CACNA2D3: variants seen among roughly 807,000 people sequenced by gnomAD.
The protein encoded by CACNA2D3 is calcium voltage-gated channel auxiliary subunit alpha2delta 3.
In CACNA2D3, 60 loss-of-function variants were observed where a neutral mutation model predicts 160.6. That is an observed-to-expected ratio of 0.37 (90% CI 0.30 to 0.46). CACNA2D3 has a LOEUF of 0.46. Among genes scored for constraint, CACNA2D3 ranks in the 20% least tolerant of loss-of-function variants. The pLI, the probability that CACNA2D3 is intolerant of heterozygous loss-of-function variation, is 1.00. For synonymous variants in CACNA2D3, 558 were observed against 492.9 expected (o/e 1.13, Z -1.75); for missense variants, 1,205 against 1,365.0 (o/e 0.88, Z 1.85).
intron 31 of CACNA2D3, among the ~76,000 whole-genome samples, chr3:55,000,575 AATAAAT>A (rs1209678592): frequency 3.3e-5 from 5 of 152,196 alleles, no homozygotes; most frequent in Non-Finnish European, 7.3e-5. Flanking sequence ...AATATTTAAA[AATAAAT>A]AAATAAATAA....
In CACNA2D3 at chr3:54,646,194, G is replaced by GCTTGCTTC. The variant is rs1553766135; in HGVS notation, c.1167+3956_1167+3957insGCTTCCTT. Among the ~76,000 whole-genome samples, 24 of 13,454 alleles carry GCTTGCTTC rather than the reference G, an allele frequency of 1.8e-3. 1 individual carries two copies. The highest frequency in any genetic ancestry group is 6.6e-3 in the East Asian group (4 of 608). The allele number at this position is 13,454 out of a possible 152,430, so 8.8% of individuals were successfully genotyped here. A position where few individuals can be genotyped will look rare whatever the true frequency, so the allele number is the denominator to read the frequency against. On this transcript the variant is annotated intron_variant, in intron 11 of 37. Transcript: ENST00000474759. Reference sequence around the variant, plus strand: ...TCCCTCCCTCCCTCCCTCCTTCCTTGCTTCCTTCCTTCCTTCCTTCCTTCC... The same window carrying GCTTGCTTC: ...TCCCTCCCTCCCTCCCTCCTTCCTTGCTTGCTTCCTTCCTTCCTTCCTTCCTTCCTTCC...
At chr3:54,245,359 A>C (rs144468784) in intron 2 of CACNA2D3, among the ~76,000 whole-genome samples, 1 of 151,754 alleles carries the variant, frequency 6.6e-6, no homozygotes, top group African/African-American at 2.4e-5. Context: ...GTGCGAGAGA[A>C]TGAGAATGAT....
chr3:54,286,041 T>C (rs1703014205), intron 2 of CACNA2D3, among the ~76,000 whole-genome samples: 2 of 152,202 alleles, frequency 1.3e-5, no homozygotes, highest in African/African-American at 2.4e-5. Flanking sequence ...TCCAAAGGAA[T>C]GCAGCTCCTC....
intron 35 of CACNA2D3, among the ~76,000 whole-genome samples, chr3:55,026,950 T>C (rs1438449892): frequency 6.6e-6 from 1 of 152,160 alleles, no homozygotes; most frequent in Non-Finnish European, 1.5e-5. Context: ...TTGCTACCCC[T>C]TTGTCCCTTC....
At chr3:54,247,068 T>G (rs1702096720) in intron 2 of CACNA2D3, among the ~76,000 whole-genome samples, 1 of 152,160 alleles carries the variant, frequency 6.6e-6, no homozygotes, top group Non-Finnish European at 1.5e-5. Flanking sequence ...TCCCAGCACT[T>G]TGGGAGGCCC....
In CACNA2D3 at chr3:54,984,688, A is replaced by C; in HGVS notation, c.2619+18A>C. ...ACACACAGGTGAGTGAAAATTTTCT[A>C]CCAGCTCCAAGTAAGGATCTCAGAA... is the stretch of plus-strand genomic sequence containing the variant. On this transcript the variant is annotated intron_variant, in intron 30 of 37. Coordinates refer to ENST00000474759, the MANE Select transcript of CACNA2D3 (RefSeq NM_018398.3). 6.6e-7 allele frequency: 1 copy of C among 1,504,818 alleles called. No homozygotes were observed. Among genetic ancestry groups the C allele is most frequent in the Non-Finnish European group, 9.1e-7 (1 of 1,104,022 alleles). The allele number at this position is 1,504,818 out of a possible 1,614,324, so 93.2% of individuals were successfully genotyped here.
At chr3:54,220,501 T>A (rs1164950981) in intron 2 of CACNA2D3, among the ~76,000 whole-genome samples, 2 of 152,138 alleles carry the variant, frequency 1.3e-5, no homozygotes, top group Admixed American at 6.5e-5. Context: ...CCAAAAGGGC[T>A]CTCTAGCTGG....
chr3:54,619,388 C>A (rs1698932706), intron 9 of CACNA2D3, among the ~76,000 whole-genome samples: 1 of 152,192 alleles, frequency 6.6e-6, no homozygotes, highest in Non-Finnish European at 1.5e-5. Flanking sequence ...GAGCTCATCA[C>A]CATCATCCTG....
chr3:54,255,574 C>G (rs1028350076), intron 2 of CACNA2D3, among the ~76,000 whole-genome samples: 2 of 152,146 alleles, frequency 1.3e-5, no homozygotes, highest in African/African-American at 4.8e-5. Flanking sequence ...CCTGGGCTAT[C>G]TTTCCTGAAA....
intron 2 of CACNA2D3, among the ~76,000 whole-genome samples, chr3:54,221,722 A>G (rs955374805): frequency 2.6e-5 from 4 of 152,230 alleles, no homozygotes; most frequent in African/African-American, 7.2e-5. Context: ...TGTCCCATAT[A>G]CTTTTAAGTC....
intron 2 of CACNA2D3, among the ~76,000 whole-genome samples, chr3:54,171,813 C>T (rs1035030680): frequency 5.3e-5 from 8 of 152,160 alleles, no homozygotes; most frequent in Admixed American, 3.9e-4. Context: ...ACTTCTTGGT[C>T]CCTGTCTCTT....
intron 13 of CACNA2D3, among the ~76,000 whole-genome samples, chr3:54,770,549 T>C (rs1214348398): frequency 6.6e-6 from 1 of 152,248 alleles, no homozygotes; most frequent in East Asian, 1.9e-4. Context: ...CTTTTTTTGT[T>C]GTTTTTCTAA....
intron 4 of CACNA2D3, among the ~76,000 whole-genome samples, chr3:54,501,704 G>A (rs1317138994): frequency 6.6e-6 from 1 of 152,056 alleles, no homozygotes; most frequent in Non-Finnish European, 1.5e-5. Flanking sequence ...ACAAGTGTGA[G>A]CCACTGTGCC....
At chr3:54,355,091 T>C (rs1676096156) in intron 3 of CACNA2D3, among the ~76,000 whole-genome samples, 1 of 152,192 alleles carries the variant, frequency 6.6e-6, no homozygotes, top group Admixed American at 6.5e-5. Flanking sequence ...CTTCAGAGAA[T>C]GGAAATGATA....
chr3:54,369,904 T>G (rs956909716), intron 3 of CACNA2D3, among the ~76,000 whole-genome samples: 1 of 152,214 alleles, frequency 6.6e-6, no homozygotes, highest in Non-Finnish European at 1.5e-5. Flanking sequence ...CAGTGCAGAC[T>G]GCGATAAGTA....
At chr3:54,324,647 G>T (rs1267882631) in intron 3 of CACNA2D3, among the ~76,000 whole-genome samples, 1 of 152,018 alleles carries the variant, frequency 6.6e-6, no homozygotes, top group Non-Finnish European at 1.5e-5. Flanking sequence ...TAGCAGTTGT[G>T]CCCAAGGCAC....
chr3:54,173,726 C>T (rs1576978141), intron 2 of CACNA2D3, among the ~76,000 whole-genome samples: 1 of 152,326 alleles, frequency 6.6e-6, no homozygotes, highest in African/African-American at 2.4e-5. Flanking sequence ...CACTTTCCAG[C>T]CCCAGAAAAT....
At chr3:54,802,197 G>T (rs1703006869) in intron 13 of CACNA2D3, among the ~76,000 whole-genome samples, 1 of 152,158 alleles carries the variant, frequency 6.6e-6, no homozygotes, top group Non-Finnish European at 1.5e-5. Flanking sequence ...CTCAATTAGG[G>T]ATTATGGAGT....
intron 13 of CACNA2D3, among the ~76,000 whole-genome samples, chr3:54,798,215 C>G (rs1702908024): frequency 6.6e-6 from 1 of 152,128 alleles, no homozygotes; most frequent in Non-Finnish European, 1.5e-5. Context: ...ACCCCAATGT[C>G]TTTACATAGT....
Sources: gnomAD v4.1 joint callset for allele counts (sites outside exome capture counted in the v4.1 genomes callset) on GRCh38, gnomAD v4.1.1 for gene constraint, MANE v1.5 for transcripts, NCBI Gene and HGNC (gene_info 2026-07-23, HGNC 2026-07-21) for gene names.